DNASE1L3: variants seen among roughly 807,000 people sequenced by gnomAD.
DNASE1L3 encodes deoxyribonuclease 1L3, also known as deoxyribonuclease gamma.
DNASE1L3 carries 27 observed loss-of-function variants against 30.9 expected under a neutral mutation model. The ratio of observed to expected loss-of-function variants is 0.87; its 90% CI spans 0.64 to 1.20. The LOEUF (loss-of-function observed/expected upper bound fraction) is 1.20, where lower values mean the gene tolerates loss of function less well. Ranked by LOEUF, DNASE1L3 falls within the 50% of genes most tolerant of loss-of-function variation. The pLI, the probability that DNASE1L3 is intolerant of heterozygous loss-of-function variation, is 0.00. For missense variants in DNASE1L3, 364 were observed against 378.2 expected (o/e 0.96, Z 0.31); for synonymous variants, 135 against 138.0 (o/e 0.98, Z 0.15).
intron 6 of DNASE1L3, among the ~76,000 whole-genome samples, chr3:58,194,314 CTTTTTTTT>C (rs11358965): frequency 1.1e-4 from 10 of 89,052 alleles, no homozygotes; most frequent in Non-Finnish European, 2.0e-4. Context: ...GCACAACTAA[CTTTTTTTT>C]TTTTTTTTTT....
At chr3:58,199,870 C>T (rs759635909) in intron 5 of DNASE1L3, among the ~76,000 whole-genome samples, 2 of 152,200 alleles carry the variant, frequency 1.3e-5, no homozygotes, top group Admixed American at 1.3e-4. Context: ...CAATGAAATA[C>T]ACCCCTGGTC....
At chr3:58,193,635 A>G (rs535227249) in intron 6 of DNASE1L3, among the ~76,000 whole-genome samples, 196 bp from the exon 7 acceptor site, 1 of 152,358 alleles carries the variant, frequency 6.6e-6, no homozygotes, top group East Asian at 1.9e-4. Flanking sequence ...AGTCCCTGCC[A>G]TGGTTCTGTG....
At position 58,197,870 on chromosome 3, in the gene DNASE1L3, C is replaced by T. The variant is rs576576004; in HGVS notation, c.655G>A (p.Asp219Asn). The T allele has an allele frequency of 3.1e-6, 5 of 1,614,166 alleles. No individual in the cohort carries two copies. The highest frequency in any genetic ancestry group is 2.7e-5 in the African/African-American group (2 of 75,040). ...TDPRFVWLIG[D>N]QEDTTVKKST... ...TTCTTCACCGTGGTGTCCTCTTGGTCCCCGATCAGCCAAACAAACCTGGGG... is the reference window on the plus strand; with the variant it reads ...TTCTTCACCGTGGTGTCCTCTTGGTTCCCGATCAGCCAAACAAACCTGGGG... The change falls in exon 6 of 8, where the codon GAC becomes AAC. Residue 219 changes from aspartate to asparagine, a missense_variant. Asp to Asn is a conservative substitution (Grantham distance 23). Coordinates refer to ENST00000394549, the MANE Select transcript of DNASE1L3 (RefSeq NM_004944.4). The surrounding 1 kb of genome is among the most constrained non-coding windows in gnomAD (Gnocchi z 5.3).
At chr3:58,207,444 C>G (rs369905752) in intron 2 of DNASE1L3, among the ~76,000 whole-genome samples, 900 of 30,008 alleles carry the variant, frequency 0.03, 39 homozygotes, top group African/African-American at 0.16. Context: ...TGATCACACC[C>G]CCCCCCCCCC....
At chr3:58,198,742 G>T (rs934520477) in intron 5 of DNASE1L3, among the ~76,000 whole-genome samples, 1 of 152,188 alleles carries the variant, frequency 6.6e-6, no homozygotes, top group Non-Finnish European at 1.5e-5. Flanking sequence ...ATATACGAAT[G>T]AATCAACGCC....
intron 4 of DNASE1L3, among the ~76,000 whole-genome samples, chr3:58,202,294 C>T (rs1463083941): frequency 2.1e-5 from 3 of 144,706 alleles, no homozygotes; most frequent in Non-Finnish European, 4.5e-5. Context: ...TACAGGCATG[C>T]ACCATCATGC....
rs188529894 is a variant in DNASE1L3, at chr3:58,210,840, T to C, written c.67A>G (p.Ile23Val). 3 of 1,614,062 alleles carry C rather than the reference T, an allele frequency of 1.9e-6. No homozygotes were observed. Among genetic ancestry groups the C allele is most frequent in the Admixed American group, 1.7e-5 (1 of 60,002 alleles). Reference protein sequence around the residue: ...LSIHSALAMRICSFNVRSFGE... With the variant: ...LSIHSALAMRVCSFNVRSFGE... ...AAGGACCTGACGTTGAAGGAGCAGA[T>C]CCTCATGGCCAGGGCGCTGTGGATG... is the stretch of plus-strand genomic sequence containing the variant. The change falls in exon 1 of 8, where the codon ATC becomes GTC. Residue 23 changes from isoleucine to valine, a missense_variant. Physicochemically the swap from Ile to Val is conservative, Grantham distance 29 (BLOSUM62 3). Transcript: ENST00000394549.
chr3:58,204,978 C>T (rs190872948), intron 3 of DNASE1L3, 97 bp from the exon 4 acceptor site: 1 of 1,110,022 alleles, frequency 9.0e-7, no homozygotes, highest in East Asian at 2.5e-5. Context: ...TTCTCAGAAG[C>T]CAGAGCAGGC....
intron 5 of DNASE1L3, among the ~76,000 whole-genome samples, chr3:58,199,337 C>G (rs1483913783): frequency 6.6e-6 from 1 of 152,194 alleles, no homozygotes; most frequent in African/African-American, 2.4e-5. Flanking sequence ...GTGACCTGCT[C>G]TAGGCCACAG....
chr3:58,198,310 G>A (rs567913890), intron 5 of DNASE1L3, among the ~76,000 whole-genome samples: 2 of 152,324 alleles, frequency 1.3e-5, no homozygotes, highest in Non-Finnish European at 2.9e-5. Context: ...CAAAGACCAT[G>A]TAAAGACACT....
chr3:58,204,479 G>A (rs1187207561), intron 4 of DNASE1L3, among the ~76,000 whole-genome samples: 2 of 152,130 alleles, frequency 1.3e-5, no homozygotes, highest in African/African-American at 4.8e-5. Context: ...TACTTGACAG[G>A]TACCAAGGAA....
chr3:58,208,627 G>C (rs2097405614), intron 1 of DNASE1L3, among the ~76,000 whole-genome samples: 1 of 152,092 alleles, frequency 6.6e-6, no homozygotes, highest in African/African-American at 2.4e-5. Context: ...CTGCCTCTTG[G>C]CTTTGCTTGA....
chr3:58,199,998 A>G (rs1317120336), intron 5 of DNASE1L3, among the ~76,000 whole-genome samples: 2 of 152,212 alleles, frequency 1.3e-5, no homozygotes, highest in Non-Finnish European at 2.9e-5. Context: ...CCGAAACGAG[A>G]AAAGAGAAAT....
At chr3:58,205,008 C>T in intron 3 of DNASE1L3, 127 bp from the exon 4 acceptor site, 1 of 818,474 alleles carries the variant, frequency 1.2e-6, no homozygotes, top group Non-Finnish European at 1.9e-6. Flanking sequence ...GGATCGTTTT[C>T]CTGAGAACAA....
chr3:58,208,432 T>A, intron 1 of DNASE1L3, 126 bp from the exon 2 acceptor site: 1 of 951,116 alleles, frequency 1.1e-6, no homozygotes, highest in Non-Finnish European at 1.6e-6. Context: ...TTCTCTGAAC[T>A]AAATGAAGGA....
Position 58,192,802 on chromosome 3 carries a change from G to T in DNASE1L3, c.803C>A (p.Ala268Asp), listed in dbSNP as rs113005222. 6.2e-7 allele frequency: 1 copy of T among 1,612,536 alleles called. No individual in the cohort carries two copies. Among genetic ancestry groups the T allele is most frequent in the East Asian group, 2.2e-5 (1 of 44,876 alleles). The part of the protein sequence containing the change: ...QKAYKLTEEE[A>D]LDVSDHFPVE... ...TGGAAAGTGGTCGCTGACATCCAGG[G>T]CCTATAAGGAGAAAGGGGAGGTAGA... is the stretch of plus-strand genomic sequence containing the variant. The change falls in exon 8 of 8, where the codon GCC becomes GAC. Residue 268 changes from alanine to aspartate, a missense_variant and splice_region_variant. Physicochemically the swap from Ala to Asp is moderately radical, Grantham distance 126. Transcript: ENST00000394549. This position sits in a 1 kb window ranked among gnomAD's most constrained non-coding sequence, Gnocchi z 4.8.
intron 1 of DNASE1L3, among the ~76,000 whole-genome samples, chr3:58,210,201 CAG>C (rs1170604929): frequency 1.6e-5 from 2 of 124,268 alleles, no homozygotes; most frequent in South Asian, 5.2e-4. Flanking sequence ...AAAGAAAAGA[CAG>C]AAAGAAGAAA....
At chr3:58,210,671 G>T in intron 1 of DNASE1L3, 95 bp downstream of exon 1, 1 of 1,575,196 alleles carries the variant, frequency 6.3e-7, no homozygotes. Flanking sequence ...TCCCCCTAAG[G>T]GCCAACTTTA....
chr3:58,206,298 C>A (rs927281968), intron 2 of DNASE1L3, among the ~76,000 whole-genome samples: 2 of 152,278 alleles, frequency 1.3e-5, no homozygotes, highest in South Asian at 4.1e-4. Flanking sequence ...ATGTCTAAAG[C>A]TGCAGCATAT....
Sources: gnomAD v4.1 joint callset for allele counts (sites outside exome capture counted in the v4.1 genomes callset) on GRCh38, gnomAD v4.1.1 for gene constraint, Gnocchi (gnomAD v3.1) non-coding constraint, MANE v1.5 for transcripts, NCBI Gene and HGNC (gene_info 2026-07-23, HGNC 2026-07-21) for gene names.